Variants in PCCA observed in about 807,000 individuals in gnomAD.
The protein encoded by PCCA is propionyl-CoA carboxylase alpha chain, mitochondrial.
A neutral mutation model predicts 101.3 loss-of-function variants in PCCA; 74 were observed. The observed-to-expected ratio is 0.73, with a 90% CI of 0.61 to 0.89. The LOEUF (loss-of-function observed/expected upper bound fraction) is 0.89, where lower values mean the gene tolerates loss of function less well. Among genes scored for constraint, PCCA ranks in the 40% least tolerant of loss-of-function variants. PCCA has a pLI of 0.00. For synonymous variants in PCCA, 294 were observed against 313.6 expected (o/e 0.94, Z 0.66); for missense variants, 891 against 907.0 (o/e 0.98, Z 0.23).
intron 4 of PCCA, among the ~76,000 whole-genome samples, chr13:100,122,515 G>T (rs2049508349): frequency 6.6e-6 from 1 of 151,944 alleles, no homozygotes. Context: ...CTTATTGTAG[G>T]TTTTTTCAGA....
At chr13:100,291,830 C>G (rs184671773) in intron 12 of PCCA, among the ~76,000 whole-genome samples, 4 of 152,318 alleles carry the variant, frequency 2.6e-5, no homozygotes, top group East Asian at 1.9e-4. Context: ...TTGACTTTTC[C>G]CCTGAGGTCC....
intron 21 of PCCA, among the ~76,000 whole-genome samples, chr13:100,478,399 C>G (rs992003484): frequency 3.9e-5 from 6 of 152,184 alleles, no homozygotes; most frequent in Non-Finnish European, 7.3e-5. Context: ...TTCCCTCCCA[C>G]TCTGGAACTG....
chr13:100,523,833 T>G (rs187380608), intron 22 of PCCA, among the ~76,000 whole-genome samples: 1 of 152,360 alleles, frequency 6.6e-6, no homozygotes, highest in Admixed American at 6.5e-5. Context: ...AAGCCCAACA[T>G]TGGAGACATC....
intron 4 of PCCA, among the ~76,000 whole-genome samples, chr13:100,121,657 G>C (rs558250931): frequency 6.6e-6 from 1 of 151,824 alleles, no homozygotes; most frequent in South Asian, 2.1e-4. Flanking sequence ...TGTATTTTTA[G>C]TAGAGGTGGA....
At chr13:100,451,335 A>C (rs2081211637) in intron 21 of PCCA, among the ~76,000 whole-genome samples, 1 of 152,182 alleles carries the variant, frequency 6.6e-6, no homozygotes, top group African/African-American at 2.4e-5. Flanking sequence ...CTATCCCTAG[A>C]GGTTTTTAAG....
At chr13:100,422,070 T>TCTCTCTTTCTTTC (rs1555454058) in intron 19 of PCCA, among the ~76,000 whole-genome samples, 2 of 110,666 alleles carry the variant, frequency 1.8e-5, no homozygotes, top group African/African-American at 7.0e-5. Flanking sequence ...TTCTCTTTTC[T>TCTCTCTTTCTTTC]TTTCTTTCTT....
intron 7 of PCCA, among the ~76,000 whole-genome samples, chr13:100,220,987 T>A (rs966485334): frequency 6.6e-6 from 1 of 152,136 alleles, no homozygotes; most frequent in Non-Finnish European, 1.5e-5. Context: ...ACAAAGCAAG[T>A]CAAGACAGAG....
rs551953559 is a variant in PCCA at position 100,256,052 on chromosome 13, C to T, written c.638-1543C>T. Reference sequence around the variant, plus strand: ...TTTCTTCTTTGGAAACGGAGTCTTGCGCTGGAGTGCAGTGGCGTAATCTTG... The same window carrying T: ...TTTCTTCTTTGGAAACGGAGTCTTGTGCTGGAGTGCAGTGGCGTAATCTTG... On this transcript the variant is annotated intron_variant, in intron 8 of 23. Transcript: ENST00000376285. Among the ~76,000 whole-genome samples the T allele has an allele frequency of 2.6e-5, 4 of 152,032 alleles. No homozygotes were observed. The South Asian group carries it at 6.2e-4, about 24-fold the overall frequency.
At chr13:100,199,599 A>T (rs770161296) in intron 6 of PCCA, among the ~76,000 whole-genome samples, 1 of 152,178 alleles carries the variant, frequency 6.6e-6, no homozygotes, top group Non-Finnish European at 1.5e-5. Flanking sequence ...GATGCCTTTG[A>T]TGAAGACTAT....
In PCCA at chr13:100,302,923, G is replaced by A; in HGVS notation, c.1210-1G>A. On this transcript the variant is annotated splice_acceptor_variant, in intron 13 of 23. Transcript: ENST00000376285. LOFTEE classifies it high-confidence loss of function. Reference sequence around the variant, plus strand: ...GTGCTTCCTTTCCTTTGAACTTTCAGGACCCCTACAAGTCTTTTGGTTTAC... The same window carrying A: ...GTGCTTCCTTTCCTTTGAACTTTCAAGACCCCTACAAGTCTTTTGGTTTAC... The A allele has an allele frequency of 6.3e-7, 1 of 1,576,560 alleles. No homozygotes were observed. The highest frequency in any genetic ancestry group is 1.3e-5 in the African/African-American group (1 of 74,270).
At chr13:100,263,790 CTG>C (rs1215711668) in intron 10 of PCCA, among the ~76,000 whole-genome samples, 1 of 150,874 alleles carries the variant, frequency 6.6e-6, no homozygotes, top group Non-Finnish European at 1.5e-5. Context: ...TATACGGTAT[CTG>C]TATATCATAT....
At chr13:100,210,066 C>T (rs370429942) in intron 7 of PCCA, among the ~76,000 whole-genome samples, 6 of 152,064 alleles carry the variant, frequency 3.9e-5, no homozygotes, top group East Asian at 1.9e-4. Flanking sequence ...ATGATCCTCT[C>T]GCCATGACTC....
intron 19 of PCCA, among the ~76,000 whole-genome samples, chr13:100,413,048 G>A (rs577322185): frequency 4.3e-4 from 66 of 152,264 alleles, no homozygotes; most frequent in African/African-American, 1.6e-3. Flanking sequence ...TGGCCCCAGA[G>A]GCTAAAAAAC....
intron 21 of PCCA, among the ~76,000 whole-genome samples, chr13:100,464,765 A>C (rs1009117568): frequency 6.6e-6 from 1 of 152,214 alleles, no homozygotes; most frequent in African/African-American, 2.4e-5. Context: ...AATCTTGCGA[A>C]TCACCAACAC....
chr13:100,429,071 G>A (rs2079365236), intron 20 of PCCA, among the ~76,000 whole-genome samples: 1 of 152,100 alleles, frequency 6.6e-6, no homozygotes, highest in African/African-American at 2.4e-5. Flanking sequence ...GGATTCGGAG[G>A]TAAGAAGTCT....
chr13:100,166,447 C>T (rs1301425116), intron 6 of PCCA, among the ~76,000 whole-genome samples: 2 of 151,988 alleles, frequency 1.3e-5, no homozygotes, highest in Non-Finnish European at 2.9e-5. Flanking sequence ...TACAGGTGTG[C>T]ACCACCATGC....
intron 12 of PCCA, among the ~76,000 whole-genome samples, chr13:100,278,758 G>A (rs1224512035): frequency 6.6e-6 from 1 of 152,110 alleles, no homozygotes; most frequent in Non-Finnish European, 1.5e-5. Context: ...TATTACAGGC[G>A]TGAGCCTCCG....
chr13:100,462,592 C>T (rs148634193), intron 21 of PCCA, among the ~76,000 whole-genome samples: 39 of 152,236 alleles, frequency 2.6e-4, no homozygotes, highest in African/African-American at 7.7e-4. Context: ...GTCCATAGGG[C>T]GTAGGTCTCT....
At chr13:100,173,715 C>T (rs921348486) in intron 6 of PCCA, among the ~76,000 whole-genome samples, 1 of 146,974 alleles carries the variant, frequency 6.8e-6, no homozygotes, top group African/African-American at 2.5e-5. Flanking sequence ...GCTGTGTCCC[C>T]ACCCAAATCT....
Sources: allele counts gnomAD v4.1 joint callset (sites outside exome capture counted in the v4.1 genomes callset), GRCh38; gene constraint gnomAD v4.1.1; transcripts MANE v1.5; gene names NCBI Gene and HGNC (gene_info 2026-07-23, HGNC 2026-07-21).